The following SLC25A38 variants were observed in gnomAD, a reference collection of about 807,000 sequenced individuals.
SLC25A38 encodes the protein mitochondrial glycine transporter.
A neutral mutation model predicts 33.4 loss-of-function variants in SLC25A38; 27 were observed. The observed-to-expected ratio is 0.81, with a 90% CI of 0.60 to 1.11. The LOEUF is 1.11. Ranked by LOEUF, SLC25A38 falls within the 50% of genes most tolerant of loss-of-function variation. SLC25A38 has a pLI of 0.00. For missense variants in SLC25A38, 344 were observed against 388.8 expected (o/e 0.88, Z 0.97); for synonymous variants, 123 against 145.9 (o/e 0.84, Z 1.13).
Position 39,391,421 on chromosome 3 carries a change from C to G in SLC25A38, c.277-20C>G. Reference sequence around the variant, plus strand: ...AGTGTTTGGTCTTTGATTTTCTTTTCTCCCTGACCTTCTCTGCAGTCCATT... The same window carrying G: ...AGTGTTTGGTCTTTGATTTTCTTTTGTCCCTGACCTTCTCTGCAGTCCATT... On this transcript the variant is annotated intron_variant, in intron 3 of 6. Coordinates refer to ENST00000650617, the MANE Select transcript of SLC25A38 (RefSeq NM_017875.4). 1.2e-6 allele frequency: 2 copies of G among 1,612,658 alleles called. No homozygotes were observed. Among genetic ancestry groups the G allele is most frequent in the Non-Finnish European group, 1.7e-6 (2 of 1,179,968 alleles).
chr3:39,383,776 A>T lies in SLC25A38; in HGVS notation c.52A>T (p.Thr18Ser). 1 of 1,614,166 alleles carries T rather than the reference A, an allele frequency of 6.2e-7. No homozygotes were observed. The highest frequency in any genetic ancestry group is 8.5e-7 in the Non-Finnish European group (1 of 1,180,002). Residue 18 changes from threonine (T) to serine (S), a missense_variant, in exon 1 of 7, where the codon ACG becomes TCG. Thr to Ser is a moderately conservative substitution (Grantham distance 58). Coordinates refer to ENST00000650617, the MANE Select transcript of SLC25A38 (RefSeq NM_017875.4). The part of the protein sequence containing the change: ...SLLQPQDVGD[T>S]VETLMLHPVI... ...GCTGCAACCCCAAGATGTCGGAGAC[A>T]CGGTGGAAACGCTTATGGTGAGGGC...
Position 39,396,567 on chromosome 3 carries a change from T to G in SLC25A38, c.*47T>G. 1 of 1,613,340 alleles carries G rather than the reference T, an allele frequency of 6.2e-7. No individual in the cohort carries two copies. The highest frequency in any genetic ancestry group is 8.5e-7 in the Non-Finnish European group (1 of 1,179,910). On this transcript the variant is annotated 3_prime_UTR_variant, in exon 7 of 7. Transcript: ENST00000650617. ...GTGAAATCTGTTGCCCTGCTTGGTT[T>G]CTGCCAAGGGCTGCTGCTTCTTACT...
In SLC25A38 at chr3:39,389,101, A is replaced by G. The variant is rs558603162; in HGVS notation, c.70-394A>G. Among the ~76,000 whole-genome samples the G allele has an allele frequency of 2.0e-5, 3 of 152,344 alleles. No individual in the cohort carries two copies. The South Asian group carries it at 6.2e-4, about 32-fold the overall frequency. ...TAAATACCTATAGGTCTTAGAGCGA[A>G]GGGAGTCTGCACATCATCAGTTCAA... On this transcript the variant is annotated intron_variant, in intron 1 of 6. Coordinates refer to ENST00000650617, the MANE Select transcript of SLC25A38 (RefSeq NM_017875.4). The surrounding 1 kb of genome is among the most constrained non-coding windows in gnomAD (Gnocchi z 4.5).
At chr3:39,395,280 A>G (rs914738655) in intron 6 of SLC25A38, among the ~76,000 whole-genome samples, 2 of 152,346 alleles carry the variant, frequency 1.3e-5, no homozygotes, top group Admixed American at 6.5e-5. Flanking sequence ...GAAGATAAAA[A>G]GTATAGTAGA....
rs148861867 is a variant in SLC25A38, at chr3:39,396,102, C to T, written c.793-296C>T. ...GTGGGCGCCTGTAGTCCCACCTACT[C>T]GGAAGGCTGAGGCAGGAGAATCGCT... On this transcript the variant is annotated intron_variant, in intron 6 of 6. Coordinates refer to ENST00000650617, the MANE Select transcript of SLC25A38 (RefSeq NM_017875.4). Among the ~76,000 whole-genome samples, 6,323 of 151,648 alleles carry T rather than the reference C, an allele frequency of 0.042. 201 individuals are homozygous for T. The highest frequency in any genetic ancestry group is 0.14 in the East Asian group (708 of 5,120).
chr3:39,389,058 T>G lies in SLC25A38; in HGVS notation c.70-437T>G, dbSNP rs1559391838. Among the ~76,000 whole-genome samples the G allele has an allele frequency of 1.3e-5, 2 of 152,254 alleles. No homozygotes were observed. The highest frequency in any genetic ancestry group is 2.9e-5 in the Non-Finnish European group (2 of 68,046). ...CAGTGGTTGAGCTTAAGGTTTCATT[T>G]GCTTTGGCTTGGTCCTATAAATACC... On this transcript the variant is annotated intron_variant, in intron 1 of 6. Coordinates refer to ENST00000650617, the MANE Select transcript of SLC25A38 (RefSeq NM_017875.4). The surrounding 1 kb of genome is among the most constrained non-coding windows in gnomAD (Gnocchi z 4.5).
chr3:39,384,106 A>G (rs1203045614), intron 1 of SLC25A38, among the ~76,000 whole-genome samples: 1 of 152,184 alleles, frequency 6.6e-6, no homozygotes, highest in Non-Finnish European at 1.5e-5. Flanking sequence ...AGGTGCGAGT[A>G]GGCTGCCAGG....
In SLC25A38 at chr3:39,392,037, G is replaced by A. The variant is rs2041777330; in HGVS notation, c.625+16G>A. ...GTGCCTCATGGTAGGGATAAAGGAA[G>A]ATCTGGGGAAGAGCTATCCTTGAGA... On this transcript the variant is annotated intron_variant, in intron 5 of 6. Coordinates refer to ENST00000650617, the MANE Select transcript of SLC25A38 (RefSeq NM_017875.4). 1.2e-6 allele frequency: 2 copies of A among 1,614,010 alleles called. No individual in the cohort carries two copies. Among genetic ancestry groups the A allele is most frequent in the South Asian group, 2.2e-5 (2 of 91,082 alleles).
At chr3:39,392,170 G>A (rs1472255792) in intron 5 of SLC25A38, 149 bp downstream of exon 5, 9 of 1,082,640 alleles carry the variant, frequency 8.3e-6, no homozygotes, top group South Asian at 4.1e-5. Context: ...GGATGCAAAG[G>A]TGGATATGAC....
chr3:39,397,270 T>C lies in SLC25A38; in HGVS notation c.*750T>C, dbSNP rs185938357. The C allele has an allele frequency of 6.5e-6, 1 of 152,770 alleles. No homozygotes were observed. Among genetic ancestry groups the C allele is most frequent in the East Asian group, 1.9e-4 (1 of 5,194 alleles). 9.5% of individuals were successfully genotyped at this position (152,770 alleles called of 1,614,324 possible). A position where few individuals can be genotyped will look rare whatever the true frequency, so the allele number is the denominator to read the frequency against. On this transcript the variant is annotated 3_prime_UTR_variant, in exon 7 of 7. Transcript: ENST00000650617. ...TTCTGTTTTCTTTACCTGTGCCTTA[T>C]AAAAATGGACCAAACCCTTTTCTAA...
intron 4 of SLC25A38, 109 bp from the exon 5 acceptor site, chr3:39,391,744 C>T (rs2041771648): frequency 3.1e-6 from 5 of 1,596,748 alleles, no homozygotes; most frequent in Non-Finnish European, 4.3e-6. Flanking sequence ...TCAGACAAGC[C>T]ATATGTGAAC....
chr3:39,394,690 C>T (rs1319457656), intron 6 of SLC25A38, 114 bp downstream of exon 6: 2 of 1,277,428 alleles, frequency 1.6e-6, no homozygotes, highest in African/African-American at 3.0e-5. Flanking sequence ...TAAAAATCCC[C>T]ATGCCCAGGT....
At position 39,383,792 on chromosome 3, in the gene SLC25A38, TG is replaced by T. The variant is rs1265916445; in HGVS notation, c.69+1del. ...GTCGGAGACACGGTGGAAACGCTTATGGTGAGGGCACTGCGGGGAAGGAAGG... is the reference window on the plus strand; with the variant it reads ...GTCGGAGACACGGTGGAAACGCTTATGTGAGGGCACTGCGGGGAAGGAAGG... ...QDVGDTVETL[M>X]LHPVIKAFLC... On this transcript the variant is annotated frameshift_variant and splice_region_variant, in exon 1 of 7. Coordinates refer to ENST00000650617, the MANE Select transcript of SLC25A38 (RefSeq NM_017875.4). LOFTEE classifies it high-confidence loss of function. The T allele has an allele frequency of 6.2e-7, 1 of 1,614,076 alleles. No homozygotes were observed. The highest frequency in any genetic ancestry group is 1.7e-5 in the Admixed American group (1 of 60,028).
At position 39,395,419 on chromosome 3, in the gene SLC25A38, AAT is replaced by A. The variant is rs202103139; in HGVS notation, c.792+845_792+846del. On this transcript the variant is annotated intron_variant, in intron 6 of 6. Transcript: ENST00000650617. ...GAGACTTTATTTAAATTAAAAAAAA[AAT>A]AAATAAATTACAATAGATGTATACT... 4.6e-4 allele frequency among the ~76,000 whole-genome samples: 70 copies of A among 151,768 alleles called. No homozygotes were observed. The South Asian group carries it at 6.7e-3, about 14-fold the overall frequency.
rs1258811906 is a variant in SLC25A38, at chr3:39,389,714, C to T, written c.191+98C>T. The stretch of plus-strand genomic sequence containing the variant: ...GTCAACTTCCATTCTGTTGGATGTT[C>T]AGAGAGAAACACAGGCCATGCCCAA... On this transcript the variant is annotated intron_variant, in intron 2 of 6. Transcript: ENST00000650617. The surrounding 1 kb of genome is among the most constrained non-coding windows in gnomAD (Gnocchi z 4.5). 2.4e-5 allele frequency: 38 copies of T among 1,590,526 alleles called. No homozygotes were observed. The highest frequency in any genetic ancestry group is 3.3e-5 in the Non-Finnish European group (38 of 1,160,976).
rs759750528 is a variant in SLC25A38, at chr3:39,383,616, C to G, written c.-109C>G. 6 of 1,298,602 alleles carry G rather than the reference C, an allele frequency of 4.6e-6. No homozygotes were observed. Among genetic ancestry groups the G allele is most frequent in the African/African-American group, 2.9e-5 (2 of 68,194 alleles). The allele number at this position is 1,298,602 out of a possible 1,614,324, so 80.4% of individuals were successfully genotyped here. A position where few individuals can be genotyped will look rare whatever the true frequency, so the allele number is the denominator to read the frequency against. On this transcript the variant is annotated 5_prime_UTR_variant, in exon 1 of 7. Coordinates refer to ENST00000650617, the MANE Select transcript of SLC25A38 (RefSeq NM_017875.4). ...GTCAGAGAGCCCGCGGCTTAAAGCG[C>G]GTCGCCTGGCTAGCGCCACCCCCTA...
In SLC25A38 at chr3:39,389,022, T is replaced by C. The variant is rs1345470549; in HGVS notation, c.70-473T>C. 6.6e-6 allele frequency among the ~76,000 whole-genome samples: 1 copy of C among 152,220 alleles called. No homozygotes were observed. The highest frequency in any genetic ancestry group is 1.5e-5 in the Non-Finnish European group (1 of 68,032). On this transcript the variant is annotated intron_variant, in intron 1 of 6. Coordinates refer to ENST00000650617, the MANE Select transcript of SLC25A38 (RefSeq NM_017875.4). The surrounding 1 kb of genome is among the most constrained non-coding windows in gnomAD (Gnocchi z 4.5). ...ACTAGGTTCTACAGGAAGTGGCACT[T>C]ACATTTTACACAGTGGTTGAGCTTA...
At chr3:39,396,264 TCTTA>T in intron 6 of SLC25A38, 130 bp from the exon 7 acceptor site, 2 of 1,443,446 alleles carry the variant, frequency 1.4e-6, no homozygotes, top group Non-Finnish European at 1.9e-6. Context: ...GACCCATTAT[TCTTA>T]CTTTGGGCAT....
At chr3:39,394,363 G>C (rs781623170) in intron 5 of SLC25A38, 47 bp from the exon 6 acceptor site, 1 of 1,608,638 alleles carries the variant, frequency 6.2e-7, no homozygotes, top group Non-Finnish European at 8.5e-7. Flanking sequence ...ACCTTTATCT[G>C]ATTAATATAA....
Sources: gnomAD v4.1 joint callset for allele counts (sites outside exome capture counted in the v4.1 genomes callset) on GRCh38, gnomAD v4.1.1 for gene constraint, Gnocchi (gnomAD v3.1) non-coding constraint, MANE v1.5 for transcripts, NCBI Gene and HGNC (gene_info 2026-07-23, HGNC 2026-07-21) for gene names.